Variants in CAPN7 observed in about 807,000 individuals in gnomAD.
CAPN7 encodes calpain-7.
Under a neutral mutation model 115.2 loss-of-function variants are expected in CAPN7, and 72 were observed. That is an observed-to-expected ratio of 0.63 (90% CI 0.52 to 0.76). The LOEUF (loss-of-function observed/expected upper bound fraction) is 0.76, where lower values mean the gene tolerates loss of function less well. Among genes scored for constraint, CAPN7 ranks in the 30% least tolerant of loss-of-function variants. CAPN7 has a pLI of 0.00. For missense variants in CAPN7, 905 were observed against 971.5 expected, an observed-to-expected ratio of 0.93 and a Z score of 0.91; for synonymous variants, 344 against 322.3, an observed-to-expected ratio of 1.07 and a Z score of -0.72.
chr3:15,207,103 C>T (rs182859317), intron 1 of CAPN7, among the ~76,000 whole-genome samples: 1 of 152,300 alleles, frequency 6.6e-6, no homozygotes, highest in Admixed American at 6.5e-5. Context: ...TGTGCGAACA[C>T]CGTAGAAAGC....
chr3:15,211,011 C>T lies in CAPN7; in HGVS notation c.103-1093C>T, dbSNP rs2044907944. On this transcript the variant is annotated intron_variant, in intron 1 of 20. Transcript: ENST00000253693. Reference sequence around the variant, plus strand: ...AATGGTGATGAGGAGAATGGAAACACCACCTTCTAGCCATAGCATAACTGG... The same window carrying T: ...AATGGTGATGAGGAGAATGGAAACATCACCTTCTAGCCATAGCATAACTGG... 14 of 921,938 alleles carry T rather than the reference C, an allele frequency of 1.5e-5. No individual in the cohort carries two copies. In the Middle Eastern group the frequency reaches 1.4e-3, roughly 93 times the overall value. The allele number at this position is 921,938 out of a possible 1,614,324, so 57.1% of individuals were successfully genotyped here. A position where few individuals can be genotyped will look rare whatever the true frequency, so the allele number is the denominator to read the frequency against.
At chr3:15,242,684 C>T (rs1402539963) in intron 16 of CAPN7, among the ~76,000 whole-genome samples, 2 of 152,166 alleles carry the variant, frequency 1.3e-5, no homozygotes, top group Non-Finnish European at 2.9e-5. Context: ...CCAGAATACA[C>T]CATGCCCTTG....
At chr3:15,230,292 C>T (rs1694605285) in intron 8 of CAPN7, 150 bp from the exon 9 acceptor site, 2 of 487,530 alleles carry the variant, frequency 4.1e-6, no homozygotes, top group African/African-American at 3.9e-5. Flanking sequence ...GGGTGTAGTT[C>T]ATTTTCTAGG....
intron 12 of CAPN7, among the ~76,000 whole-genome samples, chr3:15,237,538 T>C (rs1163436978): frequency 6.6e-6 from 1 of 152,198 alleles, no homozygotes; most frequent in African/African-American, 2.4e-5. Context: ...CCCCCAGCCA[T>C]GCTCTATAGA....
chr3:15,222,082 A>G (rs1694035113), intron 5 of CAPN7, among the ~76,000 whole-genome samples: 1 of 152,078 alleles, frequency 6.6e-6, no homozygotes. Flanking sequence ...AAAAAAAAAA[A>G]AAAGAATATA....
At chr3:15,225,318 T>A (rs1265274030) in intron 6 of CAPN7, among the ~76,000 whole-genome samples, 7 of 152,202 alleles carry the variant, frequency 4.6e-5, no homozygotes. Context: ...ACTCAAAAAT[T>A]CGTACGAAAG....
At chr3:15,230,700 A>G (rs1228504593) in intron 9 of CAPN7, among the ~76,000 whole-genome samples, 165 bp downstream of exon 9, 2 of 152,250 alleles carry the variant, frequency 1.3e-5, no homozygotes, top group Non-Finnish European at 2.9e-5. Context: ...ATCATTAAAA[A>G]TTAATTAAAA....
intron 9 of CAPN7, 102 bp from the exon 10 acceptor site, chr3:15,232,417 G>C (rs1332747173): frequency 1.2e-6 from 1 of 856,234 alleles, no homozygotes; most frequent in Non-Finnish European, 1.8e-6. Context: ...AGCATATTGT[G>C]CGTTATATTT....
intron 17 of CAPN7, chr3:15,246,187 C>G (rs1695648852): frequency 6.5e-6 from 1 of 154,196 alleles, no homozygotes; most frequent in Non-Finnish European, 1.4e-5. Context: ...ATTCACCCAC[C>G]TCAGCCTCCC....
rs1406911752 is a variant in CAPN7 at position 15,251,633 on chromosome 3, A to C, written c.*373A>C. The C allele has an allele frequency of 6.2e-6, 1 of 160,560 alleles. No homozygotes were observed. The highest frequency in any genetic ancestry group is 1.4e-5 in the Non-Finnish European group (1 of 73,684). 9.9% of individuals were successfully genotyped at this position (160,560 alleles called of 1,614,324 possible). On this transcript the variant is annotated 3_prime_UTR_variant, in exon 21 of 21. Coordinates refer to ENST00000253693, the MANE Select transcript of CAPN7 (RefSeq NM_014296.3). Reference sequence around the variant, plus strand: ...GAAAGGATATAGATTCCTTGAGTGGAATAGTGGGCTAGATTAATATACCGA... The same window carrying C: ...GAAAGGATATAGATTCCTTGAGTGGCATAGTGGGCTAGATTAATATACCGA...
chr3:15,235,667 G>A (rs577975584), intron 12 of CAPN7, among the ~76,000 whole-genome samples: 87 of 152,236 alleles, frequency 5.7e-4, no homozygotes, highest in African/African-American at 2.0e-3. Flanking sequence ...GTTCACAATA[G>A]GGTTCACACT....
chr3:15,231,344 G>A (rs1389701796), intron 9 of CAPN7, among the ~76,000 whole-genome samples: 1 of 152,104 alleles, frequency 6.6e-6, no homozygotes, highest in Non-Finnish European at 1.5e-5. Flanking sequence ...AGGTGATGCT[G>A]ATGTTGTTGT....
chr3:15,225,305 T>G (rs776970345), intron 6 of CAPN7, among the ~76,000 whole-genome samples: 5 of 152,252 alleles, frequency 3.3e-5, no homozygotes, highest in South Asian at 4.1e-4. Flanking sequence ...TATTTAGAGA[T>G]ATACTCAAAA....
rs958694492 is a variant in CAPN7 at position 15,206,268 on chromosome 3, T to G, written c.-228T>G. The G allele has an allele frequency of 4.9e-6, 2 of 408,016 alleles. No homozygotes were observed. Among genetic ancestry groups the G allele is most frequent in the Non-Finnish European group, 4.4e-6 (1 of 227,904 alleles). The allele number at this position is 408,016 out of a possible 1,614,324, so 25.3% of individuals were successfully genotyped here. A position where few individuals can be genotyped will look rare whatever the true frequency, so the allele number is the denominator to read the frequency against. Reference sequence around the variant, plus strand: ...GGCGAGGGCCGCTGGGGCCGCGAAGTGGGGCGGCCGGGTGGGCTACAAGCC... The same window carrying G: ...GGCGAGGGCCGCTGGGGCCGCGAAGGGGGGCGGCCGGGTGGGCTACAAGCC... On this transcript the variant is annotated 5_prime_UTR_variant, in exon 1 of 21. Transcript: ENST00000253693.
At chr3:15,213,878 GAT>G (rs2045092065) in intron 2 of CAPN7, among the ~76,000 whole-genome samples, 1 of 145,762 alleles carries the variant, frequency 6.9e-6, no homozygotes, top group African/African-American at 2.8e-5. Flanking sequence ...GTTCAAAAAG[GAT>G]TTTTTTTTTT....
At chr3:15,217,725 T>A in intron 3 of CAPN7, 143 bp downstream of exon 3, 2 of 564,736 alleles carry the variant, frequency 3.5e-6, no homozygotes, top group Non-Finnish European at 5.6e-6. Flanking sequence ...CTCCTCAATA[T>A]AAGATGATGA....
intron 1 of CAPN7, among the ~76,000 whole-genome samples, chr3:15,209,010 C>A (rs190831478): frequency 1.3e-5 from 2 of 152,106 alleles, no homozygotes; most frequent in African/African-American, 4.8e-5. Context: ...ATTTTATAAT[C>A]TTTTTTCCTT....
At chr3:15,235,521 C>G (rs908459938) in intron 12 of CAPN7, among the ~76,000 whole-genome samples, 1 of 150,620 alleles carries the variant, frequency 6.6e-6, no homozygotes, top group African/African-American at 2.4e-5. Context: ...ATCAGGGATC[C>G]GTTTTGTGGA....
intron 12 of CAPN7, among the ~76,000 whole-genome samples, chr3:15,236,929 C>T (rs965777603): frequency 6.6e-6 from 1 of 152,162 alleles, no homozygotes; most frequent in Non-Finnish European, 1.5e-5. Flanking sequence ...TTGCTGTACA[C>T]TACTGTAGAC....
Sources: allele counts gnomAD v4.1 joint callset (sites outside exome capture counted in the v4.1 genomes callset), GRCh38; gene constraint gnomAD v4.1.1; transcripts MANE v1.5; gene names NCBI Gene and HGNC (gene_info 2026-07-23, HGNC 2026-07-21).